The following ATG10 variants were observed in gnomAD, a reference collection of about 807,000 sequenced individuals.
ATG10 encodes the protein ubiquitin-like-conjugating enzyme ATG10.
In ATG10, 30 loss-of-function variants were observed where a neutral mutation model predicts 32.1. The ratio of observed to expected loss-of-function variants is 0.94; its 90% CI spans 0.70 to 1.27. The LOEUF is 1.27. ATG10 is among the 50% of genes most tolerant of loss of function. ATG10 has a pLI of 0.00. For synonymous variants in ATG10, 87 were observed against 91.5 expected (o/e 0.95, Z 0.28); for missense variants, 233 against 262.3 (o/e 0.89, Z 0.77).
At chr5:81,975,043 G>A (rs1362282822) in intron 1 of ATG10, among the ~76,000 whole-genome samples, 1 of 152,080 alleles carries the variant, frequency 6.6e-6, no homozygotes, top group Non-Finnish European at 1.5e-5. Context: ...TAACAGCTGT[G>A]TTACCTTGGA....
intron 1 of ATG10, among the ~76,000 whole-genome samples, chr5:81,981,175 C>A (rs1346223600): frequency 2.0e-5 from 3 of 152,182 alleles, no homozygotes; most frequent in African/African-American, 7.2e-5. Flanking sequence ...TGCCAAATGT[C>A]TTGAAATCCA....
intron 3 of ATG10, among the ~76,000 whole-genome samples, chr5:82,092,314 G>A (rs1764915093): frequency 6.6e-6 from 1 of 152,042 alleles, no homozygotes; most frequent in South Asian, 2.1e-4. Flanking sequence ...AAATATAAAA[G>A]CACCAGAGGA....
chr5:82,115,670 C>T (rs925633631), intron 3 of ATG10, among the ~76,000 whole-genome samples: 8 of 152,052 alleles, frequency 5.3e-5, no homozygotes, highest in Non-Finnish European at 1.2e-4. Flanking sequence ...TAGTTCTACA[C>T]CCCATCTGCT....
intron 2 of ATG10, among the ~76,000 whole-genome samples, chr5:82,041,021 G>C (rs1310399332): frequency 1.3e-5 from 2 of 152,088 alleles, no homozygotes; most frequent in Non-Finnish European, 2.9e-5. Context: ...ACTTATGAGA[G>C]GGTTTTTCAG....
chr5:82,204,919 A>G (rs1336430728), intron 5 of ATG10, among the ~76,000 whole-genome samples: 3 of 152,164 alleles, frequency 2.0e-5, no homozygotes, highest in African/African-American at 4.8e-5. Context: ...AATTGAAGCC[A>G]TGAGAATAGA....
intron 2 of ATG10, among the ~76,000 whole-genome samples, chr5:81,993,716 G>A (rs1413045042): frequency 2.6e-5 from 4 of 152,066 alleles, no homozygotes; most frequent in East Asian, 1.9e-4. Flanking sequence ...GTGAGCCACC[G>A]TGCCCAGCCT....
At chr5:82,132,060 C>A (rs1267651553) in intron 3 of ATG10, among the ~76,000 whole-genome samples, 3 of 151,974 alleles carry the variant, frequency 2.0e-5, no homozygotes, top group African/African-American at 7.2e-5. Flanking sequence ...GGGATCTGTG[C>A]CCATGATCCA....
At chr5:82,037,129 C>CAAAAAAA (rs1159037400) in intron 2 of ATG10, among the ~76,000 whole-genome samples, 1 of 25,800 alleles carries the variant, frequency 3.9e-5, no homozygotes. Context: ...GACTCTGTCT[C>CAAAAAAA]AAAAAAAAAA....
At chr5:81,988,757 C>T (rs569595396) in intron 2 of ATG10, among the ~76,000 whole-genome samples, 3 of 152,060 alleles carry the variant, frequency 2.0e-5, no homozygotes, top group East Asian at 1.9e-4. Context: ...TCTCTTGGTT[C>T]GATTCAGTAA....
intron 1 of ATG10, among the ~76,000 whole-genome samples, chr5:81,985,920 G>A (rs1216043135): frequency 2.0e-5 from 3 of 152,062 alleles, no homozygotes; most frequent in Non-Finnish European, 4.4e-5. Context: ...CCGCCACCAC[G>A]CCTGGCTAAT....
chr5:82,172,254 T>G (rs938723719), intron 4 of ATG10, among the ~76,000 whole-genome samples: 1 of 152,208 alleles, frequency 6.6e-6, no homozygotes, highest in African/African-American at 2.4e-5. Flanking sequence ...AAAGAACTCC[T>G]GTGCACAGAA....
intron 3 of ATG10, among the ~76,000 whole-genome samples, chr5:82,061,085 A>C (rs1763754779): frequency 6.6e-6 from 1 of 152,120 alleles, no homozygotes; most frequent in Non-Finnish European, 1.5e-5. Context: ...TGGAGTCACT[A>C]TCCATCCTTG....
At chr5:82,021,817 G>T (rs972972725) in intron 2 of ATG10, among the ~76,000 whole-genome samples, 2 of 152,006 alleles carry the variant, frequency 1.3e-5, no homozygotes, top group African/African-American at 2.4e-5. Context: ...AAGGTCAAGA[G>T]ATTGAGACCA....
chr5:82,202,453 G>T (rs755479478), intron 5 of ATG10, among the ~76,000 whole-genome samples: 1 of 152,124 alleles, frequency 6.6e-6, no homozygotes, highest in African/African-American at 2.4e-5. Context: ...CCAGACATCC[G>T]CAATCATGTT....
chr5:82,165,543 GAGA>G (rs1348093156), intron 4 of ATG10, among the ~76,000 whole-genome samples: 3 of 152,190 alleles, frequency 2.0e-5, no homozygotes, highest in Non-Finnish European at 2.9e-5. Flanking sequence ...ACTCCCTGGT[GAGA>G]AGATTTTAAT....
At chr5:82,116,737 G>A (rs1200711411) in intron 3 of ATG10, among the ~76,000 whole-genome samples, 3 of 152,116 alleles carry the variant, frequency 2.0e-5, no homozygotes, top group Admixed American at 6.6e-5. Flanking sequence ...ATGTCTTCAA[G>A]CCAATTTTAT....
chr5:81,999,939 T>G (rs1761800940), intron 2 of ATG10, among the ~76,000 whole-genome samples: 1 of 152,200 alleles, frequency 6.6e-6, no homozygotes, highest in Admixed American at 6.5e-5. Context: ...AGCTGAATTC[T>G]AGATGTGTAA....
intron 2 of ATG10, among the ~76,000 whole-genome samples, chr5:82,003,377 C>G (rs1393251467): frequency 2.6e-5 from 4 of 152,048 alleles, no homozygotes; most frequent in African/African-American, 7.2e-5. Context: ...TGGCTGACTC[C>G]AGGTCTGAGG....
At chr5:82,023,053 A>G (rs1187157833) in intron 2 of ATG10, among the ~76,000 whole-genome samples, 5 of 148,174 alleles carry the variant, frequency 3.4e-5, no homozygotes, top group African/African-American at 7.7e-5. Flanking sequence ...TTTCTTCTCA[A>G]TGCTCCCCCC....
Sources: allele counts gnomAD v4.1 joint callset (sites outside exome capture counted in the v4.1 genomes callset), GRCh38; gene constraint gnomAD v4.1.1; transcripts MANE v1.5; gene names NCBI Gene and HGNC (gene_info 2026-07-23, HGNC 2026-07-21).